OAS2: variants seen among roughly 807,000 people sequenced by gnomAD.
OAS2 encodes the protein 2'-5'-oligoadenylate synthase 2.
In OAS2, 67 loss-of-function variants were observed where a neutral mutation model predicts 71.3. The ratio of observed to expected loss-of-function variants is 0.94; its 90% confidence interval spans 0.77 to 1.15. OAS2 has a LOEUF of 1.15. OAS2 is among the 50% of genes most tolerant of loss of function. The pLI is 0.00. For synonymous variants in OAS2, 327 were observed against 321.8 expected (o/e 1.02, Z -0.17); for missense variants, 789 against 822.5 (o/e 0.96, Z 0.50).
At chr12:113,005,327 C>A in intron 7 of OAS2, 105 bp downstream of exon 7, 1 of 1,140,340 alleles carries the variant, frequency 8.8e-7, no homozygotes, top group Non-Finnish European at 1.3e-6. Context: ...ACTCATGGGT[C>A]CCTGGCCCCA....
At chr12:113,004,658 T>C (rs1420854638) in intron 6 of OAS2, among the ~76,000 whole-genome samples, 1 of 152,216 alleles carries the variant, frequency 6.6e-6, no homozygotes, top group Non-Finnish European at 1.5e-5. Flanking sequence ...CTTTAGGAAA[T>C]TGACCTGAGA....
chr12:113,001,525 T>C (rs867208551), intron 5 of OAS2, among the ~76,000 whole-genome samples: 10 of 149,282 alleles, frequency 6.7e-5, no homozygotes, highest in Admixed American at 3.4e-4. Context: ...TATATACACA[T>C]ATATATATAT....
At chr12:112,981,854 G>T (rs2044086330) in intron 1 of OAS2, among the ~76,000 whole-genome samples, 1 of 152,142 alleles carries the variant, frequency 6.6e-6, no homozygotes, top group Non-Finnish European at 1.5e-5. Context: ...AGCATGGGAT[G>T]TCTTTCCATT....
At chr12:112,981,097 C>T (rs2044077447) in intron 1 of OAS2, among the ~76,000 whole-genome samples, 1 of 152,058 alleles carries the variant, frequency 6.6e-6, no homozygotes. Context: ...TGTTCACGTT[C>T]CTTGTATATT....
chr12:112,998,001 G>A (rs992978645), intron 4 of OAS2, among the ~76,000 whole-genome samples: 1 of 152,184 alleles, frequency 6.6e-6, no homozygotes, highest in Admixed American at 6.5e-5. Flanking sequence ...TCCCCTTATA[G>A]AAGGAAGGAG....
Position 112,978,593 on chromosome 12 carries a change from C to G in OAS2, c.-16C>G, listed in dbSNP as rs751420328. 6.2e-7 allele frequency: 1 copy of G among 1,613,342 alleles called. No homozygotes were observed. Among genetic ancestry groups the G allele is most frequent in the South Asian group, 1.1e-5 (1 of 90,962 alleles). ...ATCCTACCATTCACTGTCTTGCCGG[C>G]AGCCAGCTGAGAGCAATGGGAAATG... On this transcript the variant is annotated 5_prime_UTR_variant, in exon 1 of 10. Coordinates refer to ENST00000392583, the MANE Select transcript of OAS2 (RefSeq NM_002535.3). This position sits in a 1 kb window ranked among gnomAD's most constrained non-coding sequence, Gnocchi z 4.2.
intron 1 of OAS2, among the ~76,000 whole-genome samples, chr12:112,983,126 A>G (rs1202265681): frequency 6.6e-6 from 1 of 152,036 alleles, no homozygotes; most frequent in Admixed American, 6.6e-5. Flanking sequence ...TAAGAAACCA[A>G]CTTTTTATTT....
In OAS2 at chr12:112,984,060, G is replaced by C. The variant is rs564888117; in HGVS notation, c.178-2978G>C. Among the ~76,000 whole-genome samples the C allele has an allele frequency of 8.6e-4, 131 of 152,124 alleles. 1 individual carries two copies. The highest frequency in any genetic ancestry group is 2.7e-3 in the African/African-American group (113 of 41,474). Reference sequence around the variant, plus strand: ...CCATTTGGACTATAATGCAGACTAAGTCCAGTATTTCTTTGCTGATTTTCT... The same window carrying C: ...CCATTTGGACTATAATGCAGACTAACTCCAGTATTTCTTTGCTGATTTTCT... On this transcript the variant is annotated intron_variant, in intron 1 of 9. Transcript: ENST00000392583.
chr12:112,980,703 GGTGCA>G (rs998554359), intron 1 of OAS2, among the ~76,000 whole-genome samples: 124 of 152,162 alleles, frequency 8.1e-4, no homozygotes, highest in African/African-American at 2.7e-3. Flanking sequence ...TAAACATGAG[GGTGCA>G]GTTATCCCTT....
At chr12:113,002,884 T>G (rs1593204691) in intron 5 of OAS2, 48 bp from the exon 6 acceptor site, 1 of 1,576,682 alleles carries the variant, frequency 6.3e-7, no homozygotes. Context: ...AAGCCTTGGG[T>G]GGGCTTACAG....
At chr12:112,985,057 T>C (rs1283366503) in intron 1 of OAS2, among the ~76,000 whole-genome samples, 13 of 152,342 alleles carry the variant, frequency 8.5e-5, no homozygotes, top group Non-Finnish European at 1.0e-4. Context: ...GACTTTATAC[T>C]TTTGTCTTGC....
chr12:113,005,274 G>A (rs1270510341), intron 7 of OAS2, 52 bp downstream of exon 7: 4 of 1,551,928 alleles, frequency 2.6e-6, no homozygotes. Flanking sequence ...GAAGGTGGAG[G>A]GAGAGCCACG....
Position 113,010,323 on chromosome 12 carries a change from G to T in OAS2, c.*1068G>T. ...TTTTCCCCTAACTCTTTTAAGCAAT[G>T]ATTGTAACTATTAGGAGACATTGCT... On this transcript the variant is annotated 3_prime_UTR_variant, in exon 10 of 10. Coordinates refer to ENST00000392583, the MANE Select transcript of OAS2 (RefSeq NM_002535.3). 6.4e-7 allele frequency: 1 copy of T among 1,568,920 alleles called. No homozygotes were observed. Among genetic ancestry groups the T allele is most frequent in the South Asian group, 1.2e-5 (1 of 82,944 alleles).
intron 3 of OAS2, 80 bp from the exon 4 acceptor site, chr12:112,997,440 T>A: frequency 8.4e-7 from 1 of 1,195,932 alleles, no homozygotes; most frequent in Non-Finnish European, 1.2e-6. Context: ...CCTGTAGACC[T>A]CTGGTTTCTT....
At chr12:112,987,502 C>T in intron 2 of OAS2, 194 bp downstream of exon 2, 2 of 1,428,308 alleles carry the variant, frequency 1.4e-6, no homozygotes, top group Admixed American at 5.9e-5. Flanking sequence ...TCCCCCATAC[C>T]CTGATTGTCT....
chr12:113,009,845 C>G lies in OAS2; in HGVS notation c.*590C>G, dbSNP rs2136397443. ...GGCCACCCAAGGATGTCTGCCACAC[C>G]TCTCCAAAGCCCTCCCTACCTACCA... is the stretch of plus-strand genomic sequence containing the variant. On this transcript the variant is annotated 3_prime_UTR_variant, in exon 10 of 10. Coordinates refer to ENST00000392583, the MANE Select transcript of OAS2 (RefSeq NM_002535.3). The G allele has an allele frequency of 8.1e-6, 8 of 986,676 alleles. No homozygotes were observed. The highest frequency in any genetic ancestry group is 9.6e-6 in the Non-Finnish European group (8 of 830,922). The allele number at this position is 986,676 out of a possible 1,614,324, so 61.1% of individuals were successfully genotyped here.
intron 2 of OAS2, among the ~76,000 whole-genome samples, chr12:112,994,313 C>G (rs1249747391): frequency 6.6e-6 from 1 of 152,246 alleles, no homozygotes; most frequent in Non-Finnish European, 1.5e-5. Context: ...AAGCCTTCTT[C>G]TTGGCAACAC....
intron 2 of OAS2, chr12:112,988,470 G>T: frequency 2.4e-6 from 1 of 421,140 alleles, no homozygotes; most frequent in Non-Finnish European, 3.2e-6. Flanking sequence ...TTGAACAGTT[G>T]GCCACCTTTG....
intron 1 of OAS2, among the ~76,000 whole-genome samples, chr12:112,986,526 C>A (rs1033017345): frequency 3.9e-5 from 6 of 152,082 alleles, no homozygotes; most frequent in Non-Finnish European, 7.4e-5. Flanking sequence ...GCAGAGTGGG[C>A]CCATCCTTAG....
Sources: allele counts gnomAD v4.1 joint callset (sites outside exome capture counted in the v4.1 genomes callset), GRCh38; gene constraint gnomAD v4.1.1; non-coding constraint Gnocchi (gnomAD v3.1); transcripts MANE v1.5; gene names NCBI Gene and HGNC (gene_info 2026-07-23, HGNC 2026-07-21).